The following INKA2 variants were observed in gnomAD, a reference collection of about 807,000 sequenced individuals.
INKA2 encodes inka box actin regulator 2, also known as PAK4-inhibitor INKA2.
A neutral mutation model predicts 9.8 loss-of-function variants in INKA2; 3 were observed. That is an observed-to-expected ratio of 0.31 (90% confidence interval 0.14 to 0.79). The LOEUF (loss-of-function observed/expected upper bound fraction) is 0.79, where lower values mean the gene tolerates loss of function less well. Among genes scored for constraint, INKA2 ranks in the 30% least tolerant of loss-of-function variants. The pLI is 0.62. For synonymous variants in INKA2, 147 were observed against 143.3 expected (o/e 1.03, Z -0.18); for missense variants, 392 against 384.4 (o/e 1.02, Z -0.17).
upstream of INKA2, among the ~76,000 whole-genome samples, chr1:111,741,550 A>C (rs1663151540): frequency 6.6e-6 from 1 of 152,220 alleles, no homozygotes; most frequent in African/African-American, 2.4e-5. Flanking sequence ...GATAGAAAGG[A>C]CCCAGCATTG....
chr1:111,752,000 T>C (rs1663421898), intron 1 of INKA2, among the ~76,000 whole-genome samples: 2 of 151,910 alleles, frequency 1.3e-5, no homozygotes, highest in Non-Finnish European at 2.9e-5. Context: ...TTCCAAGAAA[T>C]GCCAGATAGT....
chr1:111,726,321 G>T lies in INKA2; in HGVS notation c.*647C>A. The T allele has an allele frequency of 2.7e-6, 1 of 366,652 alleles. No homozygotes were observed. The highest frequency in any genetic ancestry group is 3.9e-5 in the East Asian group (1 of 25,324). 22.7% of individuals were successfully genotyped at this position (366,652 alleles called of 1,614,324 possible). On this transcript the variant is annotated 3_prime_UTR_variant, in exon 2 of 2. Transcript: ENST00000357260. The stretch of plus-strand genomic sequence containing the variant: ...GCGGGGAGTGTCTAGGGCTTCCCTG[G>T]CTGCTCCTTACACACTGTACTCCTT...
At chr1:111,741,045 T>C (rs532161527), upstream of INKA2, among the ~76,000 whole-genome samples, 1 of 88,118 alleles carries the variant, frequency 1.1e-5, no homozygotes, top group South Asian at 4.1e-4. Flanking sequence ...AGGAGAGAGA[T>C]AGATACAGAG....
chr1:111,738,330 T>A (rs535012549), intron 1 of INKA2, among the ~76,000 whole-genome samples: 3 of 151,896 alleles, frequency 2.0e-5, no homozygotes, highest in Admixed American at 6.6e-5. Flanking sequence ...ATGAAGCCAG[T>A]GAGAATCAAC....
At chr1:111,731,627 C>T (rs1314203780) in intron 1 of INKA2, among the ~76,000 whole-genome samples, 4 of 152,220 alleles carry the variant, frequency 2.6e-5, no homozygotes, top group Admixed American at 6.5e-5. Context: ...GCTCGGCTAA[C>T]AGGCGTAAGC....
chr1:111,744,768 G>A (rs1339063898), intron 1 of INKA2, among the ~76,000 whole-genome samples: 1 of 152,060 alleles, frequency 6.6e-6, no homozygotes, highest in African/African-American at 2.4e-5. Context: ...TTTTAGTAGA[G>A]ACGGGGTTTC....
In INKA2 at chr1:111,723,162, G is replaced by A. The variant is rs1662685827; in HGVS notation, c.*3806C>T. 2.9e-6 allele frequency: 2 copies of A among 684,524 alleles called. No individual in the cohort carries two copies. Among genetic ancestry groups the A allele is most frequent in the Admixed American group, 2.1e-5 (1 of 47,428 alleles). The allele number at this position is 684,524 out of a possible 1,614,324, so 42.4% of individuals were successfully genotyped here. On this transcript the variant is annotated 3_prime_UTR_variant, in exon 2 of 2. Transcript: ENST00000357260. ...GTTCTGGCTGCTCTGGAGAAGGTGG[G>A]GACAAGGTGTGCTCTTGCTCTTGTC...
rs192430859 is a variant in INKA2, at chr1:111,753,775, T to C, written n.124+1926A>G. On this transcript the variant is annotated intron_variant and non_coding_transcript_variant, in intron 1 of 1. Transcript: ENST00000444059. ...GCCTAGGATGACAAAATTACTGTCC[T>C]TGAGAAGCTCACAGTTTATTTAATG... The C allele has an allele frequency of 1.1e-4, 17 of 152,292 alleles. No homozygotes were observed. The East Asian group carries it at 3.3e-3, about 29-fold the overall frequency. The allele number at this position is 152,292 out of a possible 1,614,324, so 9.4% of individuals were successfully genotyped here.
At chr1:111,734,564 C>T (rs1040741318) in intron 1 of INKA2, among the ~76,000 whole-genome samples, 1 of 152,152 alleles carries the variant, frequency 6.6e-6, no homozygotes, top group Non-Finnish European at 1.5e-5. Flanking sequence ...CAGAACAGGC[C>T]AGACTCTTTA....
rs199986760 is a variant in INKA2, at chr1:111,727,158, G to A, written c.704C>T (p.Pro235Leu). 8.1e-6 allele frequency: 13 copies of A among 1,614,200 alleles called. No homozygotes were observed. In the East Asian group the frequency reaches 2.9e-4, roughly 36 times the overall value. ...LLKEKPGWVT[P>L]MVPESRTGRS... ...GCCGGTTCGGGACTCAGGGACCATG[G>A]GTGTCACCCAGCCTGGCTTCTCCTT... Residue 235 changes from proline to leucine, a missense_variant, in exon 2 of 2, where the codon CCC (proline) becomes CTC (leucine). Transcript: ENST00000357260.
chr1:111,738,237 T>C (rs751560604), intron 1 of INKA2, among the ~76,000 whole-genome samples: 60 of 152,192 alleles, frequency 3.9e-4, no homozygotes, highest in Non-Finnish European at 1.5e-4. Context: ...GATGGGGCTG[T>C]ATGTGCATAA....
intron 1 of INKA2, among the ~76,000 whole-genome samples, chr1:111,734,468 C>T (rs1370053356): frequency 6.6e-6 from 1 of 152,006 alleles, no homozygotes; most frequent in Non-Finnish European, 1.5e-5. Flanking sequence ...TCTAACTCAT[C>T]CTCCTGCCTC....
At chr1:111,755,605 G>T (rs908683978) in intron 1 of INKA2, 39 of 1,453,320 alleles carry the variant, frequency 2.7e-5, no homozygotes, top group African/African-American at 7.3e-5. Context: ...CCGGGGGCAC[G>T]GCTGGGCGGC....
intron 1 of INKA2, among the ~76,000 whole-genome samples, chr1:111,732,892 C>G (rs1339919057): frequency 1.3e-5 from 2 of 152,182 alleles, no homozygotes; most frequent in African/African-American, 4.8e-5. Flanking sequence ...ATCTGGAGAC[C>G]TGACTTACTC....
Position 111,727,311 on chromosome 1 carries a change from G to C in INKA2, c.551C>G (p.Thr184Ser). ...ELEKGGEKGETGGAREPKGEK... is the reference protein window; with the variant it reads ...ELEKGGEKGESGGAREPKGEK... The stretch of plus-strand genomic sequence containing the variant: ...TCCTTTGGGTTCACGTGCCCCCCCA[G>C]TCTCACCCTTCTCCCCACCCTTCTC... Residue 184 changes from threonine to serine, a missense_variant, in exon 2 of 2, where the codon ACT becomes AGT. Transcript: ENST00000357260. The C allele has an allele frequency of 6.2e-7, 1 of 1,614,136 alleles. No individual in the cohort carries two copies.
chr1:111,732,693 G>A (rs769717518), intron 1 of INKA2, among the ~76,000 whole-genome samples: 2 of 152,030 alleles, frequency 1.3e-5, no homozygotes, highest in Non-Finnish European at 2.9e-5. Flanking sequence ...AGCCAGGAAA[G>A]GTCTTCTCAC....
chr1:111,738,393 T>C (rs1330298961), intron 1 of INKA2, among the ~76,000 whole-genome samples: 1 of 151,296 alleles, frequency 6.6e-6, no homozygotes, highest in Non-Finnish European at 1.5e-5. Flanking sequence ...ACTTCGGTGA[T>C]TTCCACCCCC....
chr1:111,735,342 A>G (rs905444258), intron 1 of INKA2, among the ~76,000 whole-genome samples: 1 of 152,234 alleles, frequency 6.6e-6, no homozygotes, highest in African/African-American at 2.4e-5. Context: ...CCAAGTGCCT[A>G]CGATATGACA....
intron 1 of INKA2, among the ~76,000 whole-genome samples, chr1:111,752,717 G>A (rs1259491360): frequency 2.7e-5 from 4 of 150,898 alleles, no homozygotes; most frequent in Non-Finnish European, 4.4e-5. Context: ...CTTTTGAGAC[G>A]GAGTCTCGCT....
Sources: gnomAD v4.1 joint callset for allele counts (sites outside exome capture counted in the v4.1 genomes callset) on GRCh38, gnomAD v4.1.1 for gene constraint, MANE v1.5 for transcripts, NCBI Gene and HGNC (gene_info 2026-07-23, HGNC 2026-07-21) for gene names.